TMEM132D: variants seen among roughly 807,000 people sequenced by gnomAD.
The protein encoded by TMEM132D is transmembrane protein 132D, also known as mature OL transmembrane protein.
In TMEM132D, 21 loss-of-function variants were observed where a neutral mutation model predicts 62.3. That is an observed-to-expected ratio of 0.34 (90% CI 0.24 to 0.49). TMEM132D has a LOEUF of 0.49. Ranked by LOEUF, TMEM132D falls within the 20% of genes least tolerant of loss-of-function variation. TMEM132D has a pLI of 0.99. For synonymous variants in TMEM132D, 621 were observed against 575.6 expected (o/e 1.08, Z -1.13); for missense variants, 1,346 against 1,402.8 (o/e 0.96, Z 0.65).
rs71085576 is a variant in TMEM132D at position 129,831,876 on chromosome 12, C to CTTT, written c.79+71382_79+71384dup. 3.0e-3 allele frequency among the ~76,000 whole-genome samples: 410 copies of CTTT among 134,886 alleles called. 5 individuals carry two copies. The highest frequency in any genetic ancestry group is 5.2e-3 in the Non-Finnish European group (339 of 65,114). 88.5% of individuals were successfully genotyped at this position (134,886 alleles called of 152,430 possible). A position where few individuals can be genotyped will look rare whatever the true frequency, so the allele number is the denominator to read the frequency against. Reference sequence around the variant, plus strand: ...CTTTTCTTTTTCTTTCTTTCTTTTTCTTTTTTTTTTTTGAGACTGAGTCTT... The same window carrying CTTT: ...CTTTTCTTTTTCTTTCTTTCTTTTTCTTTTTTTTTTTTTTTGAGACTGAGTCTT... On this transcript the variant is annotated intron_variant, in intron 1 of 8. Transcript: ENST00000422113.
At chr12:129,479,223 C>G (rs545638845) in intron 3 of TMEM132D, among the ~76,000 whole-genome samples, 1 of 152,134 alleles carries the variant, frequency 6.6e-6, no homozygotes, top group Non-Finnish European at 1.5e-5. Context: ...GAAAGGCATG[C>G]TGAAGACCAC....
intron 3 of TMEM132D, among the ~76,000 whole-genome samples, chr12:129,342,646 G>A (rs1210668744): frequency 1.3e-5 from 2 of 152,062 alleles, no homozygotes; most frequent in Admixed American, 6.6e-5. Flanking sequence ...GCAACCTACA[G>A]AATGGGAGAA....
At chr12:129,453,733 C>A (rs191878047) in intron 3 of TMEM132D, among the ~76,000 whole-genome samples, 1 of 152,284 alleles carries the variant, frequency 6.6e-6, no homozygotes, top group East Asian at 1.9e-4. Context: ...TGCTCCCTAA[C>A]AGTTTTAGAG....
At chr12:129,629,074 C>G (rs1224437104) in intron 2 of TMEM132D, among the ~76,000 whole-genome samples, 4 of 152,100 alleles carry the variant, frequency 2.6e-5, no homozygotes, top group African/African-American at 9.7e-5. Flanking sequence ...CTTTCTCCCT[C>G]TACCCAAGAC....
At chr12:129,301,287 T>C (rs1160624885) in intron 4 of TMEM132D, among the ~76,000 whole-genome samples, 1 of 152,196 alleles carries the variant, frequency 6.6e-6, no homozygotes, top group East Asian at 1.9e-4. Context: ...CTAGTCCCTA[T>C]ATTATAAATG....
intron 1 of TMEM132D, among the ~76,000 whole-genome samples, chr12:129,858,903 G>A (rs1028926832): frequency 7.5e-6 from 1 of 134,012 alleles, no homozygotes; most frequent in Non-Finnish European, 1.6e-5. Flanking sequence ...ACAGAGTCCG[G>A]GGGATGGGAT....
intron 1 of TMEM132D, among the ~76,000 whole-genome samples, chr12:129,839,192 T>A (rs1047795626): frequency 7.1e-6 from 1 of 141,076 alleles, no homozygotes; most frequent in Non-Finnish European, 1.5e-5. Context: ...AGTACAGTGA[T>A]GCGATCTCAG....
intron 1 of TMEM132D, among the ~76,000 whole-genome samples, chr12:129,700,955 A>T (rs969389507): frequency 6.6e-6 from 1 of 152,164 alleles, no homozygotes; most frequent in African/African-American, 2.4e-5. Context: ...ATACAATTCA[A>T]ATACAGTTTT....
intron 2 of TMEM132D, among the ~76,000 whole-genome samples, chr12:129,687,419 T>A (rs530995985): frequency 6.6e-5 from 10 of 152,070 alleles, no homozygotes; most frequent in South Asian, 2.1e-4. Context: ...TATGCCTGCA[T>A]CCTGAGAGCT....
intron 3 of TMEM132D, among the ~76,000 whole-genome samples, chr12:129,417,217 A>G (rs1026847262): frequency 2.0e-5 from 3 of 152,154 alleles, no homozygotes; most frequent in Non-Finnish European, 2.9e-5. Context: ...TACTGCCTCA[A>G]TTTCAGAAGA....
chr12:129,509,398 C>A (rs1414318098), intron 3 of TMEM132D, among the ~76,000 whole-genome samples: 2 of 152,040 alleles, frequency 1.3e-5, no homozygotes, highest in Admixed American at 6.6e-5. Context: ...GATATTTTGA[C>A]ACAGACATGC....
intron 5 of TMEM132D, among the ~76,000 whole-genome samples, chr12:129,151,898 G>A (rs1489333232): frequency 2.1e-5 from 1 of 47,404 alleles, no homozygotes; most frequent in Non-Finnish European, 4.8e-5. Context: ...TTTTTTTTTT[G>A]AGACAGTCTT....
intron 1 of TMEM132D, among the ~76,000 whole-genome samples, chr12:129,804,474 T>C (rs1162636656): frequency 6.6e-6 from 1 of 150,392 alleles, no homozygotes; most frequent in Non-Finnish European, 1.5e-5. Context: ...GAAAAGGCGT[T>C]TGACAAAATT....
intron 1 of TMEM132D, among the ~76,000 whole-genome samples, chr12:129,871,718 T>C (rs1593193955): frequency 6.6e-6 from 1 of 152,156 alleles, no homozygotes; most frequent in Non-Finnish European, 1.5e-5. Flanking sequence ...TCTCGGTAGT[T>C]TGAAATTAGC....
chr12:129,205,811 C>T (rs1878834182), intron 5 of TMEM132D, among the ~76,000 whole-genome samples: 1 of 152,086 alleles, frequency 6.6e-6, no homozygotes, highest in South Asian at 2.1e-4. Flanking sequence ...TGAAACCATA[C>T]CAACCATACT....
intron 3 of TMEM132D, among the ~76,000 whole-genome samples, chr12:129,400,958 C>T (rs537443839): frequency 6.6e-6 from 1 of 152,106 alleles, no homozygotes; most frequent in South Asian, 2.1e-4. Context: ...TTAGCACACA[C>T]GATTAAGTGT....
chr12:129,181,910 G>A (rs1256626212), intron 5 of TMEM132D, among the ~76,000 whole-genome samples: 1 of 152,102 alleles, frequency 6.6e-6, no homozygotes, highest in African/African-American at 2.4e-5. Context: ...TCTTTCAGTA[G>A]AGACAAACTT....
At chr12:129,451,058 G>A (rs12314362) in intron 3 of TMEM132D, among the ~76,000 whole-genome samples, 1,855 of 152,118 alleles carry the variant, frequency 0.012, 27 homozygotes, top group African/African-American at 0.037. Flanking sequence ...CACCGCGCCC[G>A]GCCAATTTTC....
intron 1 of TMEM132D, among the ~76,000 whole-genome samples, chr12:129,829,760 G>A (rs1455716464): frequency 2.0e-5 from 3 of 152,116 alleles, no homozygotes; most frequent in Non-Finnish European, 4.4e-5. Flanking sequence ...CCTGAAATAA[G>A]GGTAGGTGAT....
Sources: gnomAD v4.1 joint callset for allele counts (sites outside exome capture counted in the v4.1 genomes callset) on GRCh38, gnomAD v4.1.1 for gene constraint, MANE v1.5 for transcripts, NCBI Gene and HGNC (gene_info 2026-07-23, HGNC 2026-07-21) for gene names.